Variants in TAFA4 observed in about 807,000 individuals in gnomAD.
TAFA4 encodes TAFA chemokine like family member 4.
A neutral mutation model predicts 21.1 loss-of-function variants in TAFA4; 20 were observed. The ratio of observed to expected loss-of-function variants is 0.95; its 90% CI spans 0.67 to 1.38. The LOEUF is 1.38. TAFA4 is among the 40% of genes most tolerant of loss of function. The pLI, the probability that TAFA4 is intolerant of heterozygous loss-of-function variation, is 0.00. For missense variants in TAFA4, 211 were observed against 180.9 expected (o/e 1.17, Z -0.95); for synonymous variants, 71 against 67.4 (o/e 1.05, Z -0.26).
chr3:68,776,268 T>TC (rs777948166), intron 3 of TAFA4, among the ~76,000 whole-genome samples: 2 of 152,056 alleles, frequency 1.3e-5, no homozygotes, highest in East Asian at 3.9e-4. Context: ...ATATATGCTA[T>TC]CTATAAGAGG....
intron 3 of TAFA4, among the ~76,000 whole-genome samples, chr3:68,838,036 C>G (rs368344377): frequency 2.4e-4 from 37 of 152,078 alleles, no homozygotes; most frequent in African/African-American, 8.9e-4. Context: ...AAAATCTACT[C>G]TCAGCAATTT....
intron 3 of TAFA4, among the ~76,000 whole-genome samples, chr3:68,824,609 A>C (rs1704185375): frequency 6.6e-6 from 1 of 152,164 alleles, no homozygotes; most frequent in Non-Finnish European, 1.5e-5. Flanking sequence ...AAACATGCTC[A>C]TAGGTTCCAA....
intron 3 of TAFA4, among the ~76,000 whole-genome samples, chr3:68,830,573 T>C (rs1326284511): frequency 1.3e-5 from 2 of 152,236 alleles, no homozygotes; most frequent in Non-Finnish European, 2.9e-5. Context: ...TGATTTCTGT[T>C]CTTTTACATT....
At chr3:68,742,209 G>GTACTTCAACATTA (rs1448498933) in intron 4 of TAFA4, among the ~76,000 whole-genome samples, 2 of 120,650 alleles carry the variant, frequency 1.7e-5, no homozygotes, top group African/African-American at 6.0e-5. Flanking sequence ...CAGAAGGAAT[G>GTACTTCAACATTA]TACTTCAACA....
At chr3:68,917,268 T>G (rs2090012159) in intron 1 of TAFA4, among the ~76,000 whole-genome samples, 2 of 152,300 alleles carry the variant, frequency 1.3e-5, no homozygotes, top group South Asian at 4.1e-4. Flanking sequence ...TATTGCATAT[T>G]TCCTCATCAG....
intron 1 of TAFA4, among the ~76,000 whole-genome samples, chr3:68,912,876 A>G (rs1433419248): frequency 1.3e-5 from 2 of 152,204 alleles, no homozygotes; most frequent in Admixed American, 1.3e-4. Context: ...ATGTTAATAA[A>G]AAGTAAGATA....
chr3:68,755,051 G>A (rs1702633896), intron 3 of TAFA4, among the ~76,000 whole-genome samples: 1 of 152,198 alleles, frequency 6.6e-6, no homozygotes, highest in South Asian at 2.1e-4. Flanking sequence ...CAACTAGGGA[G>A]TGATTCAGGC....
chr3:68,885,177 T>A lies in TAFA4; in HGVS notation c.12A>T (p.Pro4=), dbSNP rs756697619. The A allele has an allele frequency of 6.2e-7, 1 of 1,612,918 alleles. No individual in the cohort carries two copies. The highest frequency in any genetic ancestry group is 1.1e-5 in the South Asian group (1 of 90,832). MRS[P]RMRVCAKSVL... is the part of the protein sequence containing the mutation. ...GGTGAACGTTAAAATAATCTTACCT[T>A]GGGGACCTCATAAGATGTGGTTCTA... Residue 4 remains proline, a splice_region_variant and synonymous_variant, in exon 2 of 6, where the codon CCA becomes CCT. Coordinates refer to ENST00000295569, the MANE Select transcript of TAFA4 (RefSeq NM_182522.5).
chr3:68,832,455 G>C (rs564781774), intron 3 of TAFA4, among the ~76,000 whole-genome samples: 1 of 152,316 alleles, frequency 6.6e-6, no homozygotes, highest in Admixed American at 6.5e-5. Flanking sequence ...CTGCAGATCT[G>C]TTGGAGTTTG....
intron 1 of TAFA4, among the ~76,000 whole-genome samples, chr3:68,897,757 C>T (rs144560432): frequency 1.3e-5 from 2 of 152,124 alleles, no homozygotes; most frequent in African/African-American, 2.4e-5. Flanking sequence ...ACACACTAAC[C>T]GGTCCAAAGT....
chr3:68,820,380 A>G (rs1471871833), intron 3 of TAFA4, among the ~76,000 whole-genome samples: 1 of 152,194 alleles, frequency 6.6e-6, no homozygotes, highest in East Asian at 1.9e-4. Flanking sequence ...GATATATTAC[A>G]GACTTAAAAA....
At chr3:68,876,384 C>T (rs549808596) in intron 3 of TAFA4, among the ~76,000 whole-genome samples, 1 of 152,228 alleles carries the variant, frequency 6.6e-6, no homozygotes, top group Non-Finnish European at 1.5e-5. Context: ...TCATTTCTGC[C>T]GGCAAAGTAC....
intron 4 of TAFA4, 105 bp from the exon 5 acceptor site, chr3:68,739,304 T>C (rs1412936541): frequency 7.5e-7 from 1 of 1,340,800 alleles, no homozygotes; most frequent in Non-Finnish European, 1.0e-6. Flanking sequence ...AAGATTGCTA[T>C]TAAATTTACG....
At chr3:68,733,361 T>G (rs1161490878) in intron 5 of TAFA4, among the ~76,000 whole-genome samples, 1 of 152,114 alleles carries the variant, frequency 6.6e-6, no homozygotes, top group Non-Finnish European at 1.5e-5. Flanking sequence ...AAGACTTCCA[T>G]AAGAGGGTAT....
chr3:68,861,158 C>G (rs2089337467), intron 3 of TAFA4, among the ~76,000 whole-genome samples: 1 of 150,952 alleles, frequency 6.6e-6, no homozygotes, highest in African/African-American at 2.4e-5. Context: ...GCCATTGTTT[C>G]CATTTGTCTT....
At chr3:68,823,888 T>G (rs941583544) in intron 3 of TAFA4, among the ~76,000 whole-genome samples, 4 of 152,216 alleles carry the variant, frequency 2.6e-5, no homozygotes, top group Admixed American at 1.3e-4. Context: ...AGTACAAATA[T>G]TACTCTATCA....
At chr3:68,806,409 C>A (rs1055863638) in intron 3 of TAFA4, among the ~76,000 whole-genome samples, 6 of 152,094 alleles carry the variant, frequency 3.9e-5, no homozygotes, top group African/African-American at 1.2e-4. Flanking sequence ...TAAGCCCAAG[C>A]CATTTAGTTT....
intron 3 of TAFA4, among the ~76,000 whole-genome samples, chr3:68,822,445 C>T (rs1196312306): frequency 1.3e-5 from 2 of 152,180 alleles, no homozygotes; most frequent in Non-Finnish European, 2.9e-5. Flanking sequence ...AAAATTACCT[C>T]CAAGAGGCAA....
intron 4 of TAFA4, among the ~76,000 whole-genome samples, chr3:68,741,824 C>CG (rs1426832104): frequency 6.6e-6 from 1 of 151,306 alleles, no homozygotes; most frequent in African/African-American, 2.5e-5. Flanking sequence ...AAAAACTCTC[C>CG]ACTTTCTCTT....
Sources: allele counts gnomAD v4.1 joint callset (sites outside exome capture counted in the v4.1 genomes callset), GRCh38; gene constraint gnomAD v4.1.1; transcripts MANE v1.5; gene names NCBI Gene and HGNC (gene_info 2026-07-23, HGNC 2026-07-21).